Variants in PWWP2A observed in about 807,000 individuals in gnomAD.
PWWP2A encodes PWWP domain containing 2A.
A neutral mutation model predicts 48.5 loss-of-function variants in PWWP2A; 18 were observed. That is an observed-to-expected ratio of 0.37 (90% CI 0.26 to 0.55). PWWP2A has a LOEUF of 0.55. Among genes scored for constraint, PWWP2A ranks in the 20% least tolerant of loss-of-function variants. PWWP2A has a pLI of 0.81. For missense variants in PWWP2A, 867 were observed against 976.4 expected, an observed-to-expected ratio of 0.89 and a Z score of 1.49; for synonymous variants, 396 against 387.7, an observed-to-expected ratio of 1.02 and a Z score of -0.25.
chr5:160,116,600 A>C, intron 1 of PWWP2A: 1 of 908,210 alleles, frequency 1.1e-6, no homozygotes, highest in African/African-American at 1.8e-5. Context: ...ACCAAAACTC[A>C]ATAGCAATTC....
At chr5:160,073,835 C>T (rs974223811), downstream of PWWP2A, among the ~76,000 whole-genome samples, 5 of 151,896 alleles carry the variant, frequency 3.3e-5, no homozygotes, top group African/African-American at 4.8e-5. Context: ...GAGGTCAAAG[C>T]GGGTGGATCA....
intron 1 of PWWP2A, among the ~76,000 whole-genome samples, chr5:160,094,502 G>A (rs528856627): frequency 3.3e-5 from 5 of 152,230 alleles, no homozygotes; most frequent in Admixed American, 1.3e-4. Flanking sequence ...AGCAAATTCA[G>A]CCTTAACTAT....
Position 160,077,971 on chromosome 5 carries a change from C to T in PWWP2A, c.*184G>A. 1 of 505,838 alleles carries T rather than the reference C, an allele frequency of 2.0e-6. No individual in the cohort carries two copies. The highest frequency in any genetic ancestry group is 3.6e-6 in the Non-Finnish European group (1 of 280,534). The allele number at this position is 505,838 out of a possible 1,614,324, so 31.3% of individuals were successfully genotyped here. On this transcript the variant is annotated 3_prime_UTR_variant, in exon 4 of 4. Transcript: ENST00000456329. The surrounding 1 kb of genome is among the most constrained non-coding windows in gnomAD (Gnocchi z 4.2). Reference sequence around the variant, plus strand: ...AAGTTTATTTTTTATAAAATATTCCCTAATACCTTTTCTTCGGTTTAAGAC... The same window carrying T: ...AAGTTTATTTTTTATAAAATATTCCTTAATACCTTTTCTTCGGTTTAAGAC...
At chr5:160,098,632 G>A (rs1238557942) in intron 1 of PWWP2A, among the ~76,000 whole-genome samples, 1 of 152,124 alleles carries the variant, frequency 6.6e-6, no homozygotes, top group African/African-American at 2.4e-5. Context: ...ATGTATATAA[G>A]GATATATGGA....
intron 4 of PWWP2A, among the ~76,000 whole-genome samples, chr5:160,066,357 C>T (rs1453376480): frequency 7.8e-6 from 1 of 127,878 alleles, no homozygotes; most frequent in Non-Finnish European, 1.6e-5. Flanking sequence ...AGTGCAGTGG[C>T]GCAATCTTGG....
At chr5:160,065,185 C>A in intron 4 of PWWP2A, 1 of 1,288,078 alleles carries the variant, frequency 7.8e-7, no homozygotes, top group South Asian at 1.3e-5. Flanking sequence ...AAAGGCTATC[C>A]AGTAGAGCCC....
At chr5:160,068,174 C>T (rs1221894111) in intron 2 of PWWP2A, among the ~76,000 whole-genome samples, 1 of 152,148 alleles carries the variant, frequency 6.6e-6, no homozygotes, top group Non-Finnish European at 1.5e-5. Flanking sequence ...GAGCAAGCCT[C>T]CATCTCAAAA....
intron 1 of PWWP2A, among the ~76,000 whole-genome samples, chr5:160,116,189 G>C (rs1758120328): frequency 6.6e-6 from 1 of 152,074 alleles, no homozygotes; most frequent in Non-Finnish European, 1.5e-5. Context: ...CAAGTAGCTG[G>C]GACCACAGGC....
chr5:160,093,917 G>C lies in PWWP2A; in HGVS notation c.733C>G (p.Pro245Ala), dbSNP rs749918318. 2 of 1,614,050 alleles carry C rather than the reference G, an allele frequency of 1.2e-6. No individual in the cohort carries two copies. The highest frequency in any genetic ancestry group is 1.1e-5 in the South Asian group (1 of 91,090). ...AAGCTCAGCTCGGGATGCGGGACAG[G>C]AGAAGGGTCATCGGGAACAGCACCA... is the stretch of plus-strand genomic sequence containing the variant. ...ANGAVPDDPSPVPHPELSLAE... is the reference protein window; with the variant it reads ...ANGAVPDDPSAVPHPELSLAE... Residue 245 changes from proline (P) to alanine (A), a missense_variant, in exon 2 of 2, where the codon CCT becomes GCT. By Grantham distance (27) the Pro-to-Ala change is conservative. Around this residue, in one of 4 missense-constraint regions of PWWP2A, gnomAD observed 385 missense variants for 396.9 expected, o/e 0.97. Coordinates refer to ENST00000307063, the MANE Select transcript of PWWP2A (RefSeq NM_001130864.2). This position sits in a 1 kb window ranked among gnomAD's most constrained non-coding sequence, Gnocchi z 5.8.
the PWWP2A span, among the ~76,000 whole-genome samples, chr5:160,048,849 G>T: frequency 1.3e-5 from 2 of 152,180 alleles, no homozygotes; most frequent in Non-Finnish European, 2.9e-5. Flanking sequence ...TACGTGGGAG[G>T]CTGAGGTAGG....
chr5:160,080,517 G>T, intron 3 of PWWP2A: 1 of 851,926 alleles, frequency 1.2e-6, no homozygotes, highest in South Asian at 4.5e-5. Context: ...GGCACACCCG[G>T]CTACCAAAGT....
the PWWP2A span, among the ~76,000 whole-genome samples, chr5:160,047,597 T>C: frequency 7.0e-3 from 1,063 of 152,292 alleles, 6 homozygotes; most frequent in Non-Finnish European, 0.011. Context: ...AATCAGAGTA[T>C]GTCTGAAGCT....
At position 160,110,681 on chromosome 5, in the gene PWWP2A, G is replaced by T. The variant is rs138885133; in HGVS notation, c.584+8124C>A. 4.9e-3 allele frequency among the ~76,000 whole-genome samples: 747 copies of T among 151,886 alleles called. 3 individuals carry two copies. The highest frequency in any genetic ancestry group is 0.01 in the Middle Eastern group (3 of 294). ...ACATCATGCCATTGCACTCCAGCCT[G>T]GGCAACAAGAGCGAAACTCCACCTC... On this transcript the variant is annotated intron_variant, in intron 1 of 1. Transcript: ENST00000307063.
At chr5:160,095,936 C>T (rs1755603591) in intron 1 of PWWP2A, among the ~76,000 whole-genome samples, 1 of 152,054 alleles carries the variant, frequency 6.6e-6, no homozygotes, top group South Asian at 2.1e-4. Context: ...AGTCTGCCCA[C>T]CTCAGCCTCC....
At chr5:160,089,370 GT>G (rs1754892105), downstream of PWWP2A, 1 of 350,014 alleles carries the variant, frequency 2.9e-6, no homozygotes, top group South Asian at 2.5e-5. Flanking sequence ...GCCCAGCTAA[GT>G]TTTTATTTTT....
intron 1 of PWWP2A, among the ~76,000 whole-genome samples, chr5:160,097,876 T>G (rs1270339178): frequency 6.6e-6 from 1 of 151,676 alleles, no homozygotes; most frequent in African/African-American, 2.4e-5. Context: ...CCATCACGCC[T>G]GGCTAATTTT....
intron 1 of PWWP2A, 77 bp downstream of exon 1, chr5:160,118,728 G>A: frequency 1.5e-6 from 2 of 1,310,224 alleles, no homozygotes; most frequent in Admixed American, 4.1e-5. Context: ...CGAGGGCTCG[G>A]GGAGAGGGGG....
intron 1 of PWWP2A, among the ~76,000 whole-genome samples, chr5:160,103,830 TAAG>T (rs1756560503): frequency 6.6e-6 from 1 of 152,034 alleles, no homozygotes. Flanking sequence ...AGTCTCTTAA[TAAG>T]AAGGCTGGCT....
At chr5:160,117,102 A>G (rs937200721) in intron 1 of PWWP2A, among the ~76,000 whole-genome samples, 1 of 152,066 alleles carries the variant, frequency 6.6e-6, no homozygotes, top group African/African-American at 2.4e-5. Flanking sequence ...ATAAATAAAT[A>G]AATAAATAAA....
Sources: allele counts gnomAD v4.1 joint callset (sites outside exome capture counted in the v4.1 genomes callset), GRCh38; gene constraint gnomAD v4.1.1; regional missense constraint gnomAD v4.1.1; non-coding constraint Gnocchi (gnomAD v3.1); transcripts MANE v1.5; gene names NCBI Gene and HGNC (gene_info 2026-07-23, HGNC 2026-07-21).